Variants in DNAJC6 observed in about 807,000 individuals in gnomAD.
DNAJC6 encodes the protein DnaJ heat shock protein family (Hsp40) member C6, also known as auxilin.
A neutral mutation model predicts 110.0 loss-of-function variants in DNAJC6; 34 were observed. The ratio of observed to expected loss-of-function variants is 0.31; its 90% confidence interval spans 0.24 to 0.41. The LOEUF is 0.41. Ranked by LOEUF, DNAJC6 falls within the 10% of genes least tolerant of loss-of-function variation. The probability of loss-of-function intolerance (pLI) is 1.00; values close to 1 mark genes in which losing one functional copy is unlikely to be tolerated. For missense variants in DNAJC6, 1,031 were observed against 1,207.8 expected, an observed-to-expected ratio of 0.85 and a Z score of 2.17; for synonymous variants, 406 against 437.2, an observed-to-expected ratio of 0.93 and a Z score of 0.89.
At chr1:65,348,959 TATATATAAATATATATGTAA>T (rs1194138868) in intron 1 of DNAJC6, among the ~76,000 whole-genome samples, 8 of 145,526 alleles carry the variant, frequency 5.5e-5, no homozygotes, top group Admixed American at 2.1e-4. Context: ...TATATATAAA[TATATATAAATATATATGTAA>T]ATATATAAAT....
intron 1 of DNAJC6, among the ~76,000 whole-genome samples, chr1:65,356,196 T>G (rs1645541927): frequency 6.6e-6 from 1 of 152,180 alleles, no homozygotes; most frequent in Admixed American, 6.5e-5. Flanking sequence ...TCTGAAATTT[T>G]AATTTCTAGT....
rs1384111024 is a variant in DNAJC6, at chr1:65,309,879, C to T, written c.134C>T (p.Ala45Val). ...GGCAAGCAGAGAGTGAACGCCGGGG[C>T]AGCGGCGCGGAGTCCCGCCCGACAG... ...VGGKQRVNAG[A>V]AARSPARQPP... Residue 45 changes from alanine to valine, a missense_variant, in exon 1 of 19, where the codon GCA becomes GTA. Ala to Val is a moderately conservative substitution (Grantham distance 64). Transcript: ENST00000371069. The T allele has an allele frequency of 1.3e-5, 20 of 1,545,978 alleles. No homozygotes were observed. Among genetic ancestry groups the T allele is most frequent in the Non-Finnish European group, 1.7e-5 (20 of 1,144,754 alleles).
At chr1:65,323,870 C>T (rs570779383) in intron 1 of DNAJC6, among the ~76,000 whole-genome samples, 8 of 152,150 alleles carry the variant, frequency 5.3e-5, no homozygotes, top group African/African-American at 1.9e-4. Context: ...GGATTACAGA[C>T]ATTATTGTTC....
intron 5 of DNAJC6, among the ~76,000 whole-genome samples, chr1:65,383,317 TTTTC>T (rs1211677184): frequency 1.3e-5 from 2 of 152,178 alleles, no homozygotes; most frequent in Non-Finnish European, 2.9e-5. Context: ...ACTGCAGTTC[TTTTC>T]TTTCTTTTTT....
chr1:65,307,034 A>ATG (rs1645050955), upstream of DNAJC6, among the ~76,000 whole-genome samples: 1 of 145,928 alleles, frequency 6.9e-6, no homozygotes, highest in African/African-American at 2.5e-5. Context: ...ATATATATAT[A>ATG]TATATATGTT....
chr1:65,302,429 C>T (rs1644995952), intron 1 of DNAJC6, among the ~76,000 whole-genome samples: 1 of 149,264 alleles, frequency 6.7e-6, no homozygotes. Context: ...AAGGGGTCCA[C>T]CCTCATGAAT....
rs768425147 is a variant in DNAJC6 at position 65,364,685 on chromosome 1, A to T, written c.244A>T (p.Met82Leu). 4 of 1,610,630 alleles carry T rather than the reference A, an allele frequency of 2.5e-6. No homozygotes were observed. Among genetic ancestry groups the T allele is most frequent in the Non-Finnish European group, 2.5e-6 (3 of 1,179,410 alleles). Residue 82 changes from methionine to leucine, a missense_variant, in exon 2 of 19, where the codon ATG becomes TTG. Coordinates refer to ENST00000371069, the MANE Select transcript of DNAJC6 (RefSeq NM_001256864.2). ...EPSYGGGLFD[M>L]VKGGAGRLFS... ...CAGCTATGGGGGAGGTCTCTTTGAC[A>T]TGGTAAAAGGAGGTGCAGGGAGGCT...
chr1:65,350,461 G>T (rs1645480155), intron 1 of DNAJC6, among the ~76,000 whole-genome samples: 1 of 151,980 alleles, frequency 6.6e-6, no homozygotes, highest in Non-Finnish European at 1.5e-5. Context: ...AGCATTTCAG[G>T]TTCTATTTCT....
At chr1:65,279,375 G>T (rs939382837) in intron 1 of DNAJC6, 2 of 157,184 alleles carry the variant, frequency 1.3e-5, no homozygotes, top group South Asian at 4.1e-4. Context: ...GTAAGGCCAA[G>T]AAACAGTGGG....
chr1:65,274,926 G>A (rs898863273), intron 1 of DNAJC6, among the ~76,000 whole-genome samples: 12 of 152,028 alleles, frequency 7.9e-5, no homozygotes, highest in African/African-American at 1.9e-4. Flanking sequence ...GTGTGCCTGC[G>A]TGCGTGTGCA....
intron 1 of DNAJC6, among the ~76,000 whole-genome samples, chr1:65,328,777 A>G (rs781341138): frequency 1.3e-5 from 2 of 152,228 alleles, no homozygotes; most frequent in Non-Finnish European, 2.9e-5. Flanking sequence ...TGGTTCCTCA[A>G]TATAGAAGTT....
intron 1 of DNAJC6, among the ~76,000 whole-genome samples, chr1:65,303,583 G>C (rs1645010462): frequency 6.6e-6 from 1 of 150,974 alleles, no homozygotes. Flanking sequence ...TTTTGAGACG[G>C]AGTCTCCCTC....
intron 4 of DNAJC6, among the ~76,000 whole-genome samples, chr1:65,369,993 C>T (rs2101568988): frequency 6.6e-6 from 1 of 152,196 alleles, no homozygotes; most frequent in African/African-American, 2.4e-5. Flanking sequence ...AAGCGAAGTA[C>T]TGGAATACCT....
rs2101251217 is a variant in DNAJC6, at chr1:65,296,336, G to C, written c.-131+31404G>C. Among the ~76,000 whole-genome samples the C allele has an allele frequency of 1.3e-5, 2 of 152,270 alleles. 1 individual carries two copies. Among genetic ancestry groups the C allele is most frequent in the East Asian group, 3.9e-4 (2 of 5,176 alleles). ...TCTGTTTGTCTACTTTAATACAGTA[G>C]AAATGGAAAGTAGAAGTAAGTGACA... On this transcript the variant is annotated intron_variant, in intron 1 of 19. Coordinates refer to the DNAJC6 transcript ENST00000263441.
intron 16 of DNAJC6, 95 bp downstream of exon 16, chr1:65,406,228 GGTAGTTTCAATTCA>G: frequency 6.7e-7 from 1 of 1,485,908 alleles, no homozygotes; most frequent in Non-Finnish European, 9.1e-7. Flanking sequence ...GTATTTTCTG[GGTAGTTTCAATTCA>G]GTAGTTTCTG....
At chr1:65,366,235 G>A (rs773511819) in intron 4 of DNAJC6, 39 bp downstream of exon 4, 49 of 1,605,586 alleles carry the variant, frequency 3.1e-5, no homozygotes, top group Admixed American at 3.4e-5. Flanking sequence ...TGTTGAAGAC[G>A]TGATGGTGCT....
chr1:65,314,206 T>TA (rs557333022), intron 1 of DNAJC6, among the ~76,000 whole-genome samples: 23 of 150,658 alleles, frequency 1.5e-4, no homozygotes, highest in African/African-American at 4.9e-4. Context: ...TTGTATATAT[T>TA]AAAAAAAAAG....
intron 1 of DNAJC6, among the ~76,000 whole-genome samples, chr1:65,271,098 A>T (rs1457454204): frequency 6.6e-6 from 1 of 151,974 alleles, no homozygotes; most frequent in African/African-American, 2.4e-5. Context: ...TTATTAACTT[A>T]AAAAACATTA....
chr1:65,325,765 T>TA (rs1557522674), intron 1 of DNAJC6, among the ~76,000 whole-genome samples: 1 of 152,242 alleles, frequency 6.6e-6, no homozygotes, highest in Non-Finnish European at 1.5e-5. Flanking sequence ...GCAAACATCA[T>TA]AGAGTGTGCT....
Sources: allele counts gnomAD v4.1 joint callset (sites outside exome capture counted in the v4.1 genomes callset), GRCh38; gene constraint gnomAD v4.1.1; transcripts MANE v1.5; gene names NCBI Gene and HGNC (gene_info 2026-07-23, HGNC 2026-07-21).